Variants in FAF1 observed in about 807,000 individuals in gnomAD.
FAF1 encodes FAS-associated factor 1.
In FAF1, 25 loss-of-function variants were observed where a neutral mutation model predicts 92.5. That is an observed-to-expected ratio of 0.27 (90% CI 0.20 to 0.38). FAF1 has a LOEUF of 0.38. FAF1 is among the 10% of genes least tolerant of loss of function. The pLI is 1.00. For synonymous variants in FAF1, 234 were observed against 273.2 expected, an observed-to-expected ratio of 0.86 and a Z score of 1.42; for missense variants, 636 against 793.3, an observed-to-expected ratio of 0.80 and a Z score of 2.38.
intron 1 of FAF1, among the ~76,000 whole-genome samples, chr1:50,859,049 A>G (rs1329658843): frequency 6.6e-6 from 1 of 151,976 alleles, no homozygotes; most frequent in African/African-American, 2.4e-5. Context: ...ATAGATGCGG[A>G]AAAAGTTTTC....
At chr1:50,836,670 C>T (rs1041200968) in intron 2 of FAF1, among the ~76,000 whole-genome samples, 1 of 152,076 alleles carries the variant, frequency 6.6e-6, no homozygotes, top group African/African-American at 2.4e-5. Context: ...AATACATATA[C>T]CATTTCTTTC....
In FAF1 at chr1:50,545,361, G is replaced by A. The variant is rs536667517; in HGVS notation, c.1269-5633C>T. Among the ~76,000 whole-genome samples the A allele has an allele frequency of 4.3e-4, 66 of 152,074 alleles. No homozygotes were observed. The South Asian group carries it at 4.4e-3, about 10-fold the overall frequency. On this transcript the variant is annotated intron_variant, in intron 13 of 18. Transcript: ENST00000396153. Reference sequence around the variant, plus strand: ...GCCATCTTGGCTTACTGCAACCTCCGCCTCCCGAGTGATTCTCCTGCCTCA... The same window carrying A: ...GCCATCTTGGCTTACTGCAACCTCCACCTCCCGAGTGATTCTCCTGCCTCA...
At chr1:50,931,278 T>C (rs552180261) in intron 1 of FAF1, among the ~76,000 whole-genome samples, 2 of 152,238 alleles carry the variant, frequency 1.3e-5, no homozygotes, top group Non-Finnish European at 2.9e-5. Flanking sequence ...ATTGTTATAG[T>C]TTCTTATCTG....
intron 7 of FAF1, among the ~76,000 whole-genome samples, chr1:50,684,257 C>CTT (rs756495229): frequency 6.9e-4 from 79 of 114,410 alleles, no homozygotes; most frequent in African/African-American, 1.6e-3. Context: ...TTCCAACAGA[C>CTT]TTTTTTTTTT....
intron 18 of FAF1, among the ~76,000 whole-genome samples, chr1:50,455,835 T>C (rs1488189690): frequency 6.6e-6 from 1 of 152,082 alleles, no homozygotes; most frequent in Non-Finnish European, 1.5e-5. Context: ...TAAAAAAATT[T>C]TGGGGGCCAG....
intron 6 of FAF1, among the ~76,000 whole-genome samples, chr1:50,710,856 CCTCCCAAAGTG>C (rs1011036591): frequency 6.6e-6 from 1 of 151,492 alleles, no homozygotes; most frequent in Admixed American, 6.6e-5. Flanking sequence ...CCCATCTCAG[CCTCCCAAAGTG>C]CTGGGATTAT....
intron 1 of FAF1, among the ~76,000 whole-genome samples, chr1:50,913,481 A>T (rs1360188348): frequency 6.6e-6 from 1 of 152,216 alleles, no homozygotes; most frequent in Non-Finnish European, 1.5e-5. Flanking sequence ...GAATCTATCC[A>T]TTAGAGACCT....
chr1:50,585,356 T>C (rs375635542), intron 9 of FAF1, among the ~76,000 whole-genome samples: 1 of 152,124 alleles, frequency 6.6e-6, no homozygotes, highest in African/African-American at 2.4e-5. Context: ...TGAGATGTAA[T>C]AATAATGTTT....
intron 13 of FAF1, among the ~76,000 whole-genome samples, chr1:50,560,612 C>T (rs185110119): frequency 2.3e-4 from 35 of 152,346 alleles, no homozygotes; most frequent in Non-Finnish European, 4.7e-4. Flanking sequence ...AGCATGTACA[C>T]TGATGTGCAA....
chr1:50,612,283 C>T, intron 8 of FAF1: 1 of 963,456 alleles, frequency 1.0e-6, no homozygotes, highest in Non-Finnish European at 1.4e-6. Flanking sequence ...ACAACAAATT[C>T]AGAGAATCAA....
At chr1:50,720,519 C>T (rs539895226) in intron 6 of FAF1, among the ~76,000 whole-genome samples, 5 of 152,196 alleles carry the variant, frequency 3.3e-5, no homozygotes, top group East Asian at 3.9e-4. Context: ...TAAATATTGA[C>T]GGAGTTCAGG....
At chr1:50,857,766 A>G (rs1273498906) in intron 2 of FAF1, among the ~76,000 whole-genome samples, 163 bp downstream of exon 2, 6 of 151,876 alleles carry the variant, frequency 4.0e-5, no homozygotes, top group African/African-American at 1.4e-4. Context: ...ATACTGAGCT[A>G]AATATAAACT....
chr1:50,501,140 C>T (rs896515261), intron 15 of FAF1, among the ~76,000 whole-genome samples: 3 of 152,204 alleles, frequency 2.0e-5, no homozygotes, highest in Non-Finnish European at 1.5e-5. Flanking sequence ...TTGCAAATCA[C>T]ATTTCAAGTA....
chr1:50,899,663 G>A lies in FAF1; in HGVS notation c.46-41666C>T, dbSNP rs1178518375. 5.3e-5 allele frequency among the ~76,000 whole-genome samples: 8 copies of A among 152,114 alleles called. No individual in the cohort carries two copies. The East Asian group carries it at 1.5e-3, about 29-fold the overall frequency. On this transcript the variant is annotated intron_variant, in intron 1 of 18. Transcript: ENST00000396153. Reference sequence around the variant, plus strand: ...AGACAGGGTTTCACCATGTTGGCCAGGCTGGTCTTGAGCTCCTGACCTTGT... The same window carrying A: ...AGACAGGGTTTCACCATGTTGGCCAAGCTGGTCTTGAGCTCCTGACCTTGT...
intron 1 of FAF1, among the ~76,000 whole-genome samples, chr1:50,943,164 C>A (rs541945352): frequency 1.3e-5 from 2 of 152,324 alleles, no homozygotes; most frequent in African/African-American, 4.8e-5. Context: ...ATCAGGCACT[C>A]TGATTAATCC....
intron 1 of FAF1, among the ~76,000 whole-genome samples, chr1:50,930,354 G>A (rs1645038311): frequency 6.6e-6 from 1 of 152,122 alleles, no homozygotes; most frequent in South Asian, 2.1e-4. Flanking sequence ...TACTATTCAG[G>A]AAGGTATATT....
At chr1:50,554,388 T>TAG (rs559745248) in intron 13 of FAF1, among the ~76,000 whole-genome samples, 1,859 of 100,562 alleles carry the variant, frequency 0.018, 28 homozygotes, top group Admixed American at 0.065. Context: ...TATATATATA[T>TAG]ATAGAGAGAG....
At chr1:50,491,697 C>A (rs757821653) in intron 16 of FAF1, 24 bp downstream of exon 16, 6 of 1,554,936 alleles carry the variant, frequency 3.9e-6, no homozygotes, top group South Asian at 3.5e-5. Context: ...GTTCTTTATC[C>A]CAGAAGTACT....
At chr1:50,911,798 C>A (rs1321498491) in intron 1 of FAF1, among the ~76,000 whole-genome samples, 1 of 152,208 alleles carries the variant, frequency 6.6e-6, no homozygotes, top group East Asian at 1.9e-4. Flanking sequence ...TTTGGGAGGC[C>A]AAGGTCGGTG....
Sources: gnomAD v4.1 joint callset for allele counts (sites outside exome capture counted in the v4.1 genomes callset) on GRCh38, gnomAD v4.1.1 for gene constraint, MANE v1.5 for transcripts, NCBI Gene and HGNC (gene_info 2026-07-23, HGNC 2026-07-21) for gene names.